Variants in PFKFB3 observed in about 807,000 individuals in gnomAD.
The protein encoded by PFKFB3 is 6-phosphofructo-2-kinase/fructose-2,6-bisphosphatase 3.
A neutral mutation model predicts 68.0 loss-of-function variants in PFKFB3; 33 were observed. That is an observed-to-expected ratio of 0.49 (90% CI 0.37 to 0.65). The LOEUF (loss-of-function observed/expected upper bound fraction) is 0.65. Among genes scored for constraint, PFKFB3 ranks in the 30% least tolerant of loss-of-function variants. The probability of loss-of-function intolerance (pLI) is 0.00; values close to 1 mark genes in which losing one functional copy is unlikely to be tolerated. For synonymous variants in PFKFB3, 315 were observed against 288.2 expected (o/e 1.09, Z -0.94); for missense variants, 586 against 712.2 (o/e 0.82, Z 2.02).
intron 1 of PFKFB3, among the ~76,000 whole-genome samples, chr10:6,208,476 G>T (rs12358052): frequency 6.8e-6 from 1 of 147,902 alleles, no homozygotes; most frequent in East Asian, 2.1e-4. Flanking sequence ...TGAGTCTGAA[G>T]AAAGGTTGAT....
At chr10:6,170,136 T>G (rs184553930) in intron 1 of PFKFB3, among the ~76,000 whole-genome samples, 98 of 152,320 alleles carry the variant, frequency 6.4e-4, no homozygotes, top group Middle Eastern at 6.8e-3. Context: ...GGTTTTCCTT[T>G]TAAGCAAAAG....
At chr10:6,275,161 TGG>T in the PFKFB3 span, among the ~76,000 whole-genome samples, 1 of 152,180 alleles carries the variant, frequency 6.6e-6, no homozygotes, top group Non-Finnish European at 1.5e-5. This position sits in a 1 kb window ranked among gnomAD's most constrained non-coding sequence, Gnocchi z 4.9. Context: ...CTTCGGCACT[TGG>T]GGGCCTTGTG....
chr10:6,284,771 C>G, the PFKFB3 span, among the ~76,000 whole-genome samples: 27 of 152,066 alleles, frequency 1.8e-4, no homozygotes, highest in Non-Finnish European at 3.4e-4. Flanking sequence ...CTGGTAGCCT[C>G]TATGTTACAT....
At chr10:6,252,366 G>C (rs888196462) in intron 14 of PFKFB3, among the ~76,000 whole-genome samples, 2 of 152,184 alleles carry the variant, frequency 1.3e-5, no homozygotes, top group Non-Finnish European at 2.9e-5. Context: ...GTGTATACTT[G>C]TGGATTAGTA....
the PFKFB3 span, among the ~76,000 whole-genome samples, chr10:6,308,458 A>G: frequency 9.9e-5 from 15 of 152,250 alleles, no homozygotes; most frequent in East Asian, 1.5e-3. Context: ...AGAGGTTGCA[A>G]TGAGCCAAGA....
chr10:6,241,498 C>T (rs879807506), intron 14 of PFKFB3, among the ~76,000 whole-genome samples: 2 of 152,176 alleles, frequency 1.3e-5, no homozygotes, highest in African/African-American at 2.4e-5. Flanking sequence ...GCTCCACCTC[C>T]GGAAGGGAGC....
At chr10:6,207,253 C>T (rs903734497) in intron 1 of PFKFB3, among the ~76,000 whole-genome samples, 3 of 151,740 alleles carry the variant, frequency 2.0e-5, no homozygotes, top group African/African-American at 7.3e-5. Context: ...CCGGCCAACA[C>T]AGCGAAACCC....
At chr10:6,145,563 C>T (rs1460209737) in intron 1 of PFKFB3, among the ~76,000 whole-genome samples, 1 of 152,152 alleles carries the variant, frequency 6.6e-6, no homozygotes, top group Non-Finnish European at 1.5e-5. Context: ...GGCTCGGGGG[C>T]ACGGAGAGGG....
chr10:6,292,076 C>T, the PFKFB3 span, among the ~76,000 whole-genome samples: 8 of 149,956 alleles, frequency 5.3e-5, no homozygotes, highest in African/African-American at 1.7e-4. Flanking sequence ...GCCTCAGCCT[C>T]CCGAGTAGCT....
rs753009870 is a variant in PFKFB3 at position 6,215,292 on chromosome 10, A to C, written c.274A>C (p.Asn92His). ...YSSYNFFRPDNEEAMKVRKQC... is the reference protein window; with the variant it reads ...YSSYNFFRPDHEEAMKVRKQC... The stretch of plus-strand genomic sequence containing the variant: ...CTCCTACAACTTCTTCCGCCCCGAC[A>C]ATGAGGAAGCCATGAAAGTCCGGAA... Residue 92 changes from asparagine (N) to histidine (H), a missense_variant, in exon 3 of 15, where the codon AAT (asparagine) becomes CAT (histidine). Asn to His is a moderately conservative substitution (Grantham distance 68, BLOSUM62 1). Transcript: ENST00000379775. The surrounding 1 kb of genome is among the most constrained non-coding windows in gnomAD (Gnocchi z 4.3). The C allele has an allele frequency of 6.2e-7, 1 of 1,613,920 alleles. No individual in the cohort carries two copies. The highest frequency in any genetic ancestry group is 1.7e-5 in the Admixed American group (1 of 60,006).
At chr10:6,320,859 G>C in the PFKFB3 span, among the ~76,000 whole-genome samples, 1 of 152,216 alleles carries the variant, frequency 6.6e-6, no homozygotes, top group East Asian at 1.9e-4. Flanking sequence ...ATTTGTGCCT[G>C]ACAGGAGAGA....
the PFKFB3 span, among the ~76,000 whole-genome samples, chr10:6,283,179 G>A: frequency 0.07 from 10,648 of 152,174 alleles, 1,249 homozygotes; most frequent in East Asian, 0.49. Flanking sequence ...TGTTGGCTGG[G>A]CTGGTGTCAA....
At chr10:6,164,870 C>T (rs561478329) in intron 1 of PFKFB3, among the ~76,000 whole-genome samples, 1 of 152,246 alleles carries the variant, frequency 6.6e-6, no homozygotes, top group East Asian at 1.9e-4. Flanking sequence ...CAGCATATCG[C>T]CTACAGCCAC....
At chr10:6,188,463 CA>C (rs1404866363) in intron 1 of PFKFB3, among the ~76,000 whole-genome samples, 2 of 151,372 alleles carry the variant, frequency 1.3e-5, no homozygotes, top group South Asian at 4.2e-4. Flanking sequence ...TTTTTTTAAA[CA>C]TTTTTTTTCA....
downstream of PFKFB3, among the ~76,000 whole-genome samples, chr10:6,255,167 C>G (rs1460752829): frequency 6.6e-6 from 1 of 150,810 alleles, no homozygotes; most frequent in Non-Finnish European, 1.5e-5. Flanking sequence ...GAGTCTTACC[C>G]AGGCTGGAGT....
the PFKFB3 span, among the ~76,000 whole-genome samples, chr10:6,285,265 C>T: frequency 6.7e-6 from 1 of 149,988 alleles, no homozygotes; most frequent in Admixed American, 6.7e-5. Flanking sequence ...TGGAGTTTCA[C>T]TCTTGTTGCC....
the PFKFB3 span, among the ~76,000 whole-genome samples, chr10:6,322,308 T>C: frequency 6.6e-6 from 1 of 152,166 alleles, no homozygotes. Flanking sequence ...CCTCCATGGA[T>C]TCCACCTTCA....
chr10:6,162,614 A>G (rs1381899312), intron 1 of PFKFB3, among the ~76,000 whole-genome samples: 1 of 152,160 alleles, frequency 6.6e-6, no homozygotes, highest in African/African-American at 2.4e-5. Flanking sequence ...AATAGTACCA[A>G]TGTGGACTCC....
chr10:6,218,254 A>G (rs1207956219), intron 6 of PFKFB3, among the ~76,000 whole-genome samples: 1 of 152,176 alleles, frequency 6.6e-6, no homozygotes, highest in East Asian at 1.9e-4. Context: ...GTCCACTAGC[A>G]GATAATCATT....
Sources: allele counts gnomAD v4.1 joint callset (sites outside exome capture counted in the v4.1 genomes callset), GRCh38; gene constraint gnomAD v4.1.1; non-coding constraint Gnocchi (gnomAD v3.1); transcripts MANE v1.5; gene names NCBI Gene and HGNC (gene_info 2026-07-23, HGNC 2026-07-21).